Variants in JMY observed in about 807,000 individuals in gnomAD.
JMY encodes junction-mediating and -regulatory protein.
JMY carries 46 observed loss-of-function variants against 103.3 expected under a neutral mutation model. The ratio of observed to expected loss-of-function variants is 0.45; its 90% CI spans 0.35 to 0.57. The LOEUF is 0.57. JMY is among the 20% of genes least tolerant of loss of function. JMY has a pLI of 0.00. For missense variants in JMY, 1,238 were observed against 1,255.2 expected (o/e 0.99, Z 0.21); for synonymous variants, 526 against 489.3 (o/e 1.07, Z -0.99).
chr5:79,317,668 A>C (rs1747281837), intron 10 of JMY, among the ~76,000 whole-genome samples: 1 of 152,168 alleles, frequency 6.6e-6, no homozygotes, highest in South Asian at 2.1e-4. Flanking sequence ...TAATTAATTC[A>C]TGTGTTAGCC....
chr5:79,300,698 C>T lies in JMY; in HGVS notation c.1716C>T (p.Tyr572=), dbSNP rs12109473. The change falls in exon 6 of 11, where the codon TAC becomes TAT. Residue 572 remains tyrosine (Y), a synonymous_variant. Coordinates refer to ENST00000396137, the MANE Select transcript of JMY (RefSeq NM_152405.5). ...CAGAAAAAAGAGATGAAGTGGTATA[C>T]TATGACACTTACGAAAGCATGGAGG... The part of the protein sequence containing the change: ...LISEKRDEVV[Y]YDTYESMEAM... The T allele has an allele frequency of 3.3e-3, 5,360 of 1,607,648 alleles. 135 individuals are homozygous for T. The African/African-American group carries it at 0.055, about 16-fold the overall frequency.
In JMY at chr5:79,306,594, T is replaced by A. The variant is rs1002442704; in HGVS notation, c.1968+133T>A. 4.6e-6 allele frequency: 3 copies of A among 649,504 alleles called. No individual in the cohort carries two copies. The African/African-American group carries it at 5.5e-5, about 12-fold the overall frequency. The allele number at this position is 649,504 out of a possible 1,614,324, so 40.2% of individuals were successfully genotyped here. On this transcript the variant is annotated intron_variant, in intron 7 of 10. Coordinates refer to ENST00000396137, the MANE Select transcript of JMY (RefSeq NM_152405.5). ...TTAGTTCAGTTTATATAATGAGCAG[T>A]TTTTAGGCAAAATTGATTGGAGAAT...
chr5:79,275,463 G>A (rs1371124352), intron 1 of JMY, among the ~76,000 whole-genome samples: 1 of 152,024 alleles, frequency 6.6e-6, no homozygotes, highest in African/African-American at 2.4e-5. Context: ...GCCTGGCAAG[G>A]GTTTCTGAGT....
At chr5:79,241,055 T>C (rs371527309) in intron 1 of JMY, among the ~76,000 whole-genome samples, 1 of 152,252 alleles carries the variant, frequency 6.6e-6, no homozygotes, top group Non-Finnish European at 1.5e-5. Flanking sequence ...TTAATTTCTA[T>C]GAATCTATTT....
At chr5:79,238,818 G>A (rs1691045309) in intron 1 of JMY, among the ~76,000 whole-genome samples, 2 of 151,704 alleles carry the variant, frequency 1.3e-5, no homozygotes, top group South Asian at 4.2e-4. Context: ...CGGCTAACAC[G>A]TTAGCCCGGC....
intron 4 of JMY, among the ~76,000 whole-genome samples, chr5:79,293,909 C>G (rs1746495384): frequency 1.3e-5 from 2 of 152,056 alleles, no homozygotes; most frequent in African/African-American, 4.8e-5. Context: ...TCTTTATTTT[C>G]AGTTCTATAT....
intron 1 of JMY, among the ~76,000 whole-genome samples, chr5:79,248,656 G>GA (rs544085825): frequency 1.3e-3 from 178 of 142,250 alleles, no homozygotes; most frequent in South Asian, 2.9e-3. Flanking sequence ...GTCCCATATA[G>GA]AAAAAAAAAA....
intron 1 of JMY, among the ~76,000 whole-genome samples, chr5:79,270,227 A>G (rs776151906): frequency 6.6e-5 from 10 of 150,796 alleles, no homozygotes; most frequent in Middle Eastern, 3.5e-3. Context: ...TTTTTGCCTC[A>G]TCATAGTGGG....
intron 1 of JMY, among the ~76,000 whole-genome samples, chr5:79,247,881 T>A (rs749434863): frequency 2.8e-5 from 4 of 145,044 alleles, no homozygotes; most frequent in Non-Finnish European, 5.9e-5. Context: ...TTTATTTTAT[T>A]TTATATTTTA....
chr5:79,245,335 T>G (rs1213628110), intron 1 of JMY, among the ~76,000 whole-genome samples: 1 of 152,156 alleles, frequency 6.6e-6, no homozygotes, highest in Non-Finnish European at 1.5e-5. Flanking sequence ...ATAAAATTGG[T>G]CATGAAGTCA....
At chr5:79,278,186 A>G (rs1232413677) in intron 2 of JMY, 103 bp downstream of exon 2, 1 of 822,482 alleles carries the variant, frequency 1.2e-6, no homozygotes, top group Non-Finnish European at 1.8e-6. Flanking sequence ...AAAAAAAAAA[A>G]AGAAGGTACC....
chr5:79,300,358 G>A (rs758381978), intron 5 of JMY, 40 bp downstream of exon 5: 2 of 1,457,098 alleles, frequency 1.4e-6, no homozygotes, highest in Admixed American at 5.2e-5. Flanking sequence ...ACCAAAGATT[G>A]AATACATGAG....
At chr5:79,267,183 C>T (rs184969814) in intron 1 of JMY, among the ~76,000 whole-genome samples, 24 of 152,202 alleles carry the variant, frequency 1.6e-4, no homozygotes, top group African/African-American at 5.8e-4. Context: ...ATTGAGTAAT[C>T]CATAGTTTAT....
chr5:79,279,735 G>T (rs1361883724), intron 2 of JMY, among the ~76,000 whole-genome samples: 1 of 152,132 alleles, frequency 6.6e-6, no homozygotes, highest in African/African-American at 2.4e-5. Flanking sequence ...GCTTTTTGAG[G>T]GGGGGATTTG....
chr5:79,260,003 C>T (rs1315327245), intron 1 of JMY, among the ~76,000 whole-genome samples: 2 of 152,232 alleles, frequency 1.3e-5, no homozygotes, highest in African/African-American at 2.4e-5. Flanking sequence ...CTCTGCCTGC[C>T]CCTCAGTGCC....
intron 1 of JMY, among the ~76,000 whole-genome samples, chr5:79,240,161 G>A (rs899354056): frequency 4.3e-4 from 65 of 151,812 alleles, no homozygotes; most frequent in East Asian, 1.4e-3. Context: ...GATTATAGGC[G>A]TGTGCCACCT....
At chr5:79,249,025 A>G (rs1467619073) in intron 1 of JMY, among the ~76,000 whole-genome samples, 3 of 152,114 alleles carry the variant, frequency 2.0e-5, no homozygotes, top group African/African-American at 4.8e-5. Context: ...GCCCTCCCAA[A>G]GTTCTGAGAC....
intron 10 of JMY, among the ~76,000 whole-genome samples, chr5:79,317,002 G>T (rs1056412408): frequency 1.3e-5 from 2 of 151,132 alleles, no homozygotes; most frequent in South Asian, 4.2e-4. Context: ...GAGCCCAGGC[G>T]TTCAAATCCG....
chr5:79,284,901 G>C (rs940876521), intron 2 of JMY: 3 of 1,551,280 alleles, frequency 1.9e-6, no homozygotes, highest in Non-Finnish European at 1.8e-6. Context: ...TAAGGTGCTT[G>C]TTCTTGCCAA....
Sources: allele counts gnomAD v4.1 joint callset (sites outside exome capture counted in the v4.1 genomes callset), GRCh38; gene constraint gnomAD v4.1.1; transcripts MANE v1.5; gene names NCBI Gene and HGNC (gene_info 2026-07-23, HGNC 2026-07-21).